CFAP47: variants seen among roughly 807,000 people sequenced by gnomAD.
CFAP47 encodes the protein cilia and flagella associated protein 47.
In CFAP47, 29 loss-of-function variants were observed where a neutral mutation model predicts 148.1. The ratio of observed to expected loss-of-function variants is 0.20; its 90% CI spans 0.15 to 0.27. CFAP47 has a LOEUF of 0.27. Among genes scored for constraint, CFAP47 ranks in the 10% least tolerant of loss-of-function variants. CFAP47 has a pLI of 1.00. For synonymous variants in CFAP47, 664 were observed against 577.3 expected, an observed-to-expected ratio of 1.15 and a Z score of -2.15; for missense variants, 1,872 against 1,697.5, an observed-to-expected ratio of 1.10 and a Z score of -1.81.
chrX:36,031,857 A>C (rs1280563947), intron 23 of CFAP47, among the ~76,000 whole-genome samples: 2 of 110,659 alleles, frequency 1.8e-5, no homozygotes, highest in East Asian at 5.7e-4. Flanking sequence ...AGCTCAGCAC[A>C]CATTATAGAA....
chrX:36,033,299 G>A (rs35173050), intron 23 of CFAP47, among the ~76,000 whole-genome samples: 6,112 of 111,398 alleles, frequency 0.055, 450 homozygotes, highest in African/African-American at 0.19. Flanking sequence ...AATTTGGTGG[G>A]ACAACTGCTT....
intron 27 of CFAP47, among the ~76,000 whole-genome samples, chrX:36,070,651 C>T (rs774134693): frequency 3.6e-5 from 4 of 110,309 alleles, no homozygotes; most frequent in African/African-American, 9.9e-5. Context: ...GCCACCACAC[C>T]TGGCTAATTT....
intron 32 of CFAP47, among the ~76,000 whole-genome samples, chrX:36,103,976 G>A (rs1228683521): frequency 9.0e-6 from 1 of 111,685 alleles, no homozygotes; most frequent in Non-Finnish European, 1.9e-5. Flanking sequence ...TGTAGTGAAT[G>A]GTGATATGAT....
intron 1 of CFAP47, 64 bp from the exon 2 acceptor site, chrX:35,925,952 GC>G: frequency 1.0e-6 from 1 of 978,531 alleles, no homozygotes; most frequent in Non-Finnish European, 1.4e-6. Flanking sequence ...ATTGTGCCCA[GC>G]CATGGTATTT....
At chrX:36,175,350 G>A (rs943732436) in intron 39 of CFAP47, among the ~76,000 whole-genome samples, 3 of 112,194 alleles carry the variant, frequency 2.7e-5, no homozygotes, top group Non-Finnish European at 3.8e-5. Context: ...GAGGAACTGC[G>A]TTCCTTTGGA....
Position 36,203,982 on chromosome X carries a change from GCTA to G in CFAP47, c.6664-971_6664-969del, listed in dbSNP as rs782331338. ...AGTGAAATAGGAGGCCTCAGTCTGT[GCTA>G]CTAATAAGAATGTATCTGATGATGA... On this transcript the variant is annotated intron_variant, in intron 44 of 63. Transcript: ENST00000378653. Among the ~76,000 whole-genome samples the G allele has an allele frequency of 8.9e-5, 10 of 111,991 alleles. No individual in the cohort carries two copies. In the South Asian group the frequency reaches 3.3e-3, roughly 37 times the overall value.
chrX:36,245,945 G>C (rs959798350), intron 48 of CFAP47, among the ~76,000 whole-genome samples: 4 of 111,252 alleles, frequency 3.6e-5, no homozygotes, highest in Non-Finnish European at 7.6e-5. Context: ...TTAAAGGTAG[G>C]ACCTCAAACT....
At chrX:36,175,885 G>A (rs781648776) in intron 39 of CFAP47, among the ~76,000 whole-genome samples, 187 of 109,001 alleles carry the variant, frequency 1.7e-3, no homozygotes, top group African/African-American at 5.9e-3. Flanking sequence ...AATGGCGGGC[G>A]CCCCTCCCCC....
At position 36,236,916 on chromosome X, in the gene CFAP47, A is replaced by T. The variant is rs890465121; in HGVS notation, c.7332+57A>T. ...TTTTCTGAATATAGTGAATCACATGAAATATAATAATTACAAACAATTTTT... is the reference window on the plus strand; with the variant it reads ...TTTTCTGAATATAGTGAATCACATGTAATATAATAATTACAAACAATTTTT... On this transcript the variant is annotated intron_variant, in intron 48 of 63. Transcript: ENST00000378653. 18 of 405,088 alleles carry T rather than the reference A, an allele frequency of 4.4e-5. No individual in the cohort carries two copies. In the African/African-American group the frequency reaches 4.7e-4, roughly 11 times the overall value. The allele number at this position is 405,088 out of a possible 1,213,427, so 33.4% of individuals were successfully genotyped here. A position where few individuals can be genotyped will look rare whatever the true frequency, so the allele number is the denominator to read the frequency against.
chrX:36,242,968 A>G (rs1940564636), intron 48 of CFAP47, among the ~76,000 whole-genome samples: 1 of 111,825 alleles, frequency 8.9e-6, no homozygotes, highest in African/African-American at 3.3e-5. Context: ...CTGATCGTCT[A>G]CCAATAGATC....
intron 3 of CFAP47, among the ~76,000 whole-genome samples, chrX:35,945,397 G>T (rs1936070523): frequency 9.0e-6 from 1 of 111,079 alleles, no homozygotes; most frequent in Non-Finnish European, 1.9e-5. Context: ...CTTCAGTCAA[G>T]GTACTCTCCT....
At chrX:35,928,015 G>A (rs747400743) in intron 2 of CFAP47, among the ~76,000 whole-genome samples, 6 of 99,899 alleles carry the variant, frequency 6.0e-5, no homozygotes, top group African/African-American at 7.4e-5. Context: ...ATATATATAT[G>A]TATATATATA....
intron 30 of CFAP47, among the ~76,000 whole-genome samples, chrX:36,096,758 G>A (rs747132493): frequency 9.1e-6 from 1 of 109,751 alleles, no homozygotes; most frequent in East Asian, 2.9e-4. Flanking sequence ...TGTGTTTCTT[G>A]CGGCAACAGA....
intron 58 of CFAP47, among the ~76,000 whole-genome samples, chrX:36,349,617 T>C (rs1374175738): frequency 1.8e-5 from 2 of 111,828 alleles, no homozygotes; most frequent in Non-Finnish European, 3.8e-5. Flanking sequence ...GCACCTAAAA[T>C]ATTTGGACAA....
At chrX:36,134,468 A>G (rs1939006358) in intron 33 of CFAP47, among the ~76,000 whole-genome samples, 1 of 104,534 alleles carries the variant, frequency 9.6e-6, no homozygotes, top group South Asian at 4.4e-4. Context: ...CAAGGAATAT[A>G]TCTACACAAA....
chrX:36,190,994 T>G (rs1028896580), intron 42 of CFAP47, among the ~76,000 whole-genome samples: 1 of 111,794 alleles, frequency 8.9e-6, no homozygotes, highest in Non-Finnish European at 1.9e-5. Context: ...GAAAGAGGTA[T>G]TGTACTTACC....
At chrX:36,071,695 G>A in intron 27 of CFAP47, 130 bp from the exon 28 acceptor site, 2 of 487,942 alleles carry the variant, frequency 4.1e-6, no homozygotes, top group Middle Eastern at 5.7e-4. Flanking sequence ...TTTTTACTTT[G>A]TCATAGATAG....
At chrX:36,231,535 G>GA (rs1940360386) in intron 46 of CFAP47, among the ~76,000 whole-genome samples, 2 of 110,762 alleles carry the variant, frequency 1.8e-5, no homozygotes, top group African/African-American at 6.6e-5. Context: ...GGTTTTCTAC[G>GA]TATACAATCA....
At chrX:36,171,482 T>C (rs761327254) in intron 39 of CFAP47, among the ~76,000 whole-genome samples, 2,977 of 105,879 alleles carry the variant, frequency 0.028, 43 homozygotes, top group Non-Finnish European at 0.042. Context: ...GTATAAGGTG[T>C]AAGGAAGGGA....
Sources: gnomAD v4.1 joint callset for allele counts (sites outside exome capture counted in the v4.1 genomes callset) on GRCh38, gnomAD v4.1.1 for gene constraint, MANE v1.5 for transcripts, NCBI Gene and HGNC (gene_info 2026-07-23, HGNC 2026-07-21) for gene names.